Variants in TOX observed in about 807,000 individuals in gnomAD.
TOX encodes the protein thymocyte selection associated high mobility group box.
TOX carries 11 observed loss-of-function variants against 53.7 expected under a neutral mutation model. That is an observed-to-expected ratio of 0.20 (90% CI 0.13 to 0.34). The LOEUF is 0.34. TOX is among the 10% of genes least tolerant of loss of function. The pLI, the probability that TOX is intolerant of heterozygous loss-of-function variation, is 1.00. For synonymous variants in TOX, 225 were observed against 245.3 expected (o/e 0.92, Z 0.77); for missense variants, 570 against 664.6 (o/e 0.86, Z 1.56).
chr8:58,805,484 G>C lies in TOX; in HGVS notation c.*2263C>G, dbSNP rs531361169. The C allele has an allele frequency of 7.9e-5, 12 of 152,506 alleles. No individual in the cohort carries two copies. The highest frequency in any genetic ancestry group is 2.9e-4 in the African/African-American group (12 of 41,506). 9.4% of individuals were successfully genotyped at this position (152,506 alleles called of 1,614,324 possible). A position where few individuals can be genotyped will look rare whatever the true frequency, so the allele number is the denominator to read the frequency against. ...TTTACATTTGTTTTTACTGTATTTGGTATTGAATTTCAACACTCTCTACCC... is the reference window on the plus strand; with the variant it reads ...TTTACATTTGTTTTTACTGTATTTGCTATTGAATTTCAACACTCTCTACCC... On this transcript the variant is annotated 3_prime_UTR_variant, in exon 9 of 9. Coordinates refer to ENST00000361421, the MANE Select transcript of TOX (RefSeq NM_014729.3).
chr8:59,010,234 A>C (rs1440461327), intron 1 of TOX, among the ~76,000 whole-genome samples: 1 of 152,228 alleles, frequency 6.6e-6, no homozygotes, highest in African/African-American at 2.4e-5. Context: ...ACTTAATCTT[A>C]GATCACTGCA....
At chr8:59,097,967 T>C (rs1804740466) in intron 1 of TOX, among the ~76,000 whole-genome samples, 1 of 151,872 alleles carries the variant, frequency 6.6e-6, no homozygotes, top group Admixed American at 6.6e-5. Flanking sequence ...TTAACTGAGA[T>C]AAATTACTTA....
At chr8:58,879,699 A>T (rs910715324) in intron 3 of TOX, among the ~76,000 whole-genome samples, 8 of 152,282 alleles carry the variant, frequency 5.3e-5, no homozygotes, top group Middle Eastern at 6.8e-3. Context: ...CTTGTACCAA[A>T]CAAAGCATTC....
At chr8:59,022,838 G>A (rs531770113) in intron 1 of TOX, among the ~76,000 whole-genome samples, 11 of 152,254 alleles carry the variant, frequency 7.2e-5, no homozygotes, top group South Asian at 6.2e-4. Context: ...GGTCTTGACC[G>A]TTGGCTCACT....
intron 3 of TOX, among the ~76,000 whole-genome samples, chr8:58,861,642 A>G (rs1287587970): frequency 6.6e-6 from 1 of 152,186 alleles, no homozygotes; most frequent in Non-Finnish European, 1.5e-5. Context: ...TAGGTTAAGT[A>G]ATAAGAAAAT....
Position 59,119,075 on chromosome 8 carries a change from G to T in TOX, c.-88C>A. On this transcript the variant is annotated 5_prime_UTR_variant, in exon 1 of 9. Coordinates refer to ENST00000361421, the MANE Select transcript of TOX (RefSeq NM_014729.3). Reference sequence around the variant, plus strand: ...ACAAGCTTAGACGGAACAGAGTGAGGTGTCTGGGCTCAGGAGTAAAAGAAA... The same window carrying T: ...ACAAGCTTAGACGGAACAGAGTGAGTTGTCTGGGCTCAGGAGTAAAAGAAA... The T allele has an allele frequency of 2.4e-6, 2 of 839,512 alleles. No individual in the cohort carries two copies. The highest frequency in any genetic ancestry group is 1.8e-5 in the African/African-American group (1 of 56,218). The allele number at this position is 839,512 out of a possible 1,614,324, so 52.0% of individuals were successfully genotyped here. A position where few individuals can be genotyped will look rare whatever the true frequency, so the allele number is the denominator to read the frequency against.
chr8:59,010,460 G>A (rs929057828), intron 1 of TOX, among the ~76,000 whole-genome samples: 4 of 152,160 alleles, frequency 2.6e-5, no homozygotes, highest in African/African-American at 9.7e-5. Context: ...CGAGGCCAAC[G>A]AAAATTGAAA....
At chr8:58,875,315 T>TC (rs1362393777) in intron 3 of TOX, among the ~76,000 whole-genome samples, 9 of 152,196 alleles carry the variant, frequency 5.9e-5, no homozygotes, top group Admixed American at 2.0e-4. Flanking sequence ...TAACTTATCT[T>TC]CCTTAGAAAC....
intron 1 of TOX, among the ~76,000 whole-genome samples, chr8:58,997,816 G>A (rs575819915): frequency 3.8e-4 from 57 of 151,776 alleles, no homozygotes; most frequent in African/African-American, 1.3e-3. Context: ...TTTTTGAGAC[G>A]GAGTCTCCCT....
rs946221872 is a variant in TOX at position 58,815,788 on chromosome 8, C to T, written c.1006-64G>A. 161 of 1,514,070 alleles carry T rather than the reference C, an allele frequency of 1.1e-4. 3 individuals are homozygous for T. The East Asian group carries it at 2.7e-3, about 26-fold the overall frequency. 93.8% of individuals were successfully genotyped at this position (1,514,070 alleles called of 1,614,324 possible). On this transcript the variant is annotated intron_variant, in intron 6 of 8. Coordinates refer to ENST00000361421, the MANE Select transcript of TOX (RefSeq NM_014729.3). ...ACATGAGTGTTGATTCAAGGTATGA[C>T]GCTTTGTGAGTTTATTAAAGCACCT...
Position 58,960,129 on chromosome 8 carries a change from G to A in TOX, c.103-121C>T, listed in dbSNP as rs112199209. Reference sequence around the variant, plus strand: ...AAACAGTAGCCATAAAAAATACTGCGGCTGGGACTATGGAAAATCTGTCAC... The same window carrying A: ...AAACAGTAGCCATAAAAAATACTGCAGCTGGGACTATGGAAAATCTGTCAC... On this transcript the variant is annotated intron_variant, in intron 1 of 8. Coordinates refer to ENST00000361421, the MANE Select transcript of TOX (RefSeq NM_014729.3). 173 of 1,037,882 alleles carry A rather than the reference G, an allele frequency of 1.7e-4. 1 individual carries two copies. In the African/African-American group the frequency reaches 1.8e-3, roughly 11 times the overall value. The allele number at this position is 1,037,882 out of a possible 1,614,324, so 64.3% of individuals were successfully genotyped here. A position where few individuals can be genotyped will look rare whatever the true frequency, so the allele number is the denominator to read the frequency against.
intron 1 of TOX, among the ~76,000 whole-genome samples, chr8:59,108,743 G>A (rs1804959528): frequency 6.6e-6 from 1 of 151,774 alleles, no homozygotes; most frequent in African/African-American, 2.4e-5. Context: ...AATACAAGAT[G>A]AGAAAATGAG....
intron 1 of TOX, among the ~76,000 whole-genome samples, chr8:59,113,772 G>A (rs1029402583): frequency 1.3e-5 from 2 of 152,046 alleles, no homozygotes; most frequent in Non-Finnish European, 2.9e-5. Flanking sequence ...GAGGTAAGAG[G>A]CGCTGGGCAT....
Position 58,939,403 on chromosome 8 carries a change from C to A in TOX, c.310G>T (p.Gly104Cys). 6.2e-7 allele frequency: 1 copy of A among 1,614,054 alleles called. No individual in the cohort carries two copies. The highest frequency in any genetic ancestry group is 8.5e-7 in the Non-Finnish European group (1 of 1,180,008). Residue 104 changes from glycine to cysteine, a missense_variant, in exon 3 of 9, where the codon GGC (glycine) becomes TGC (cysteine). Gly to Cys is a radical substitution (Grantham distance 159). Transcript: ENST00000361421. ...HSLCHPMNHN[G>C]LLPFHPQNMD... ...TTTTGTGGATGAAATGGTAGCAGGCCATTATGGTTCATGGGGTGACACAGA... is the reference window on the plus strand; with the variant it reads ...TTTTGTGGATGAAATGGTAGCAGGCAATTATGGTTCATGGGGTGACACAGA...
chr8:58,970,214 TAA>T (rs1812978302), intron 1 of TOX, among the ~76,000 whole-genome samples: 1 of 152,170 alleles, frequency 6.6e-6, no homozygotes, highest in African/African-American at 2.4e-5. Context: ...CCTGGAGAAT[TAA>T]GTTTTAAATA....
chr8:59,068,299 T>C (rs1270362527), intron 1 of TOX, among the ~76,000 whole-genome samples: 1 of 151,924 alleles, frequency 6.6e-6, no homozygotes, highest in African/African-American at 2.4e-5. Flanking sequence ...TATGACAAGA[T>C]ATAAGGCAGA....
intron 3 of TOX, among the ~76,000 whole-genome samples, chr8:58,913,187 A>G (rs770845527): frequency 7.9e-5 from 12 of 152,176 alleles, no homozygotes; most frequent in Non-Finnish European, 1.3e-4. Flanking sequence ...TTGGTGGCTC[A>G]TGCCTGTAGT....
At chr8:58,960,813 A>C (rs1812785662) in intron 1 of TOX, among the ~76,000 whole-genome samples, 1 of 152,240 alleles carries the variant, frequency 6.6e-6, no homozygotes, top group East Asian at 1.9e-4. Flanking sequence ...GCAAGTAGTC[A>C]TCACTCTACT....
At chr8:58,894,719 C>T (rs1213806716) in intron 3 of TOX, among the ~76,000 whole-genome samples, 1 of 151,690 alleles carries the variant, frequency 6.6e-6, no homozygotes, top group African/African-American at 2.4e-5. Flanking sequence ...TATGGTAAAA[C>T]CCCATCTCTA....
Sources: allele counts gnomAD v4.1 joint callset (sites outside exome capture counted in the v4.1 genomes callset), GRCh38; gene constraint gnomAD v4.1.1; transcripts MANE v1.5; gene names NCBI Gene and HGNC (gene_info 2026-07-23, HGNC 2026-07-21).